COL12A1: variants seen among roughly 807,000 people sequenced by gnomAD.
COL12A1 encodes collagen alpha-1(XII) chain.
COL12A1 carries 114 observed loss-of-function variants against 349.7 expected under a neutral mutation model. The ratio of observed to expected loss-of-function variants is 0.33; its 90% CI spans 0.28 to 0.38. COL12A1 has a LOEUF of 0.38. Among genes scored for constraint, COL12A1 ranks in the 10% least tolerant of loss-of-function variants. COL12A1 has a pLI of 1.00. For missense variants in COL12A1, 3,284 were observed against 3,756.9 expected, an observed-to-expected ratio of 0.87 and a Z score of 3.29; for synonymous variants, 1,369 against 1,329.0, an observed-to-expected ratio of 1.03 and a Z score of -0.66.
intron 7 of COL12A1, 37 bp downstream of exon 7, chr6:75,189,180 G>C (rs753399079): frequency 6.3e-7 from 1 of 1,599,386 alleles, no homozygotes; most frequent in Non-Finnish European, 8.5e-7. Flanking sequence ...TACTGTAGGA[G>C]TTGTAAAATG....
At chr6:75,127,394 C>T (rs981055384) in intron 38 of COL12A1, among the ~76,000 whole-genome samples, 2 of 152,168 alleles carry the variant, frequency 1.3e-5, no homozygotes, top group Non-Finnish European at 1.5e-5. Context: ...TTTCAAATGT[C>T]ACCTCTTCAA....
rs753747530 is a variant in COL12A1 at position 75,191,745 on chromosome 6, G to A, written c.350C>T (p.Ser117Leu). 2.2e-5 allele frequency: 35 copies of A among 1,593,154 alleles called. No individual in the cohort carries two copies. Among genetic ancestry groups the A allele is most frequent in the Middle Eastern group, 1.7e-4 (1 of 6,028 alleles). Residue 117 changes from serine (S) to leucine (L), a missense_variant, in exon 5 of 66, where the codon TCG becomes TTG. Ser to Leu is a moderately radical substitution (Grantham distance 145, BLOSUM62 -2). Transcript: ENST00000322507. ...IGQLTIQTGSSTKPVEKKPGK... is the reference protein window; with the variant it reads ...IGQLTIQTGSLTKPVEKKPGK... ...AGGTTTCTTCTCCACTGGCTTTGTCGAACTACCTGTTTGAACTAAGTTAAA... is the reference window on the plus strand; with the variant it reads ...AGGTTTCTTCTCCACTGGCTTTGTCAAACTACCTGTTTGAACTAAGTTAAA...
chr6:75,093,117 C>T (rs1345322706), intron 60 of COL12A1, among the ~76,000 whole-genome samples: 1 of 152,164 alleles, frequency 6.6e-6, no homozygotes, highest in African/African-American at 2.4e-5. Flanking sequence ...CATTCTCTAA[C>T]CCCTTACTCT....
At position 75,152,378 on chromosome 6, in the gene COL12A1, G is replaced by A. The variant is rs748277540; in HGVS notation, c.3670C>T (p.Arg1224Cys). The A allele has an allele frequency of 1.8e-5, 29 of 1,613,436 alleles. No homozygotes were observed. The highest frequency in any genetic ancestry group is 1.6e-4 in the Middle Eastern group (1 of 6,078). Reference protein sequence around the residue: ...NFRTVRSFISRIVEVFDIGPK... With the variant: ...NFRTVRSFISCIVEVFDIGPK... ...CCAATGTCAAAGACTTCCACAATAC[G>A]AGAAATGAAACTCCTCACGGTTCTA... Residue 1224 changes from arginine to cysteine, a missense_variant, in exon 18 of 66, where the codon CGT becomes TGT. Around this residue, in one of 2 missense-constraint regions of COL12A1, gnomAD observed 2,601 missense variants for 2,824.8 expected, o/e 0.92. Transcript: ENST00000322507.
chr6:75,124,624 C>T (rs185297761), intron 40 of COL12A1, among the ~76,000 whole-genome samples: 10 of 152,168 alleles, frequency 6.6e-5, no homozygotes, highest in Non-Finnish European at 1.2e-4. Context: ...ATTTCAAAAA[C>T]ATCTCATGGA....
At chr6:75,175,796 AG>A (rs534526516) in intron 12 of COL12A1, among the ~76,000 whole-genome samples, 269 of 152,308 alleles carry the variant, frequency 1.8e-3, no homozygotes, top group African/African-American at 6.2e-3. Flanking sequence ...TGCTTTCCCT[AG>A]GGGGAAAAAA....
intron 42 of COL12A1, 59 bp from the exon 43 acceptor site, chr6:75,123,463 A>G: frequency 7.4e-7 from 1 of 1,357,236 alleles, no homozygotes; most frequent in Non-Finnish European, 1.0e-6. Flanking sequence ...ATATCCCAGA[A>G]AGTAAATTTT....
intron 25 of COL12A1, among the ~76,000 whole-genome samples, chr6:75,144,333 C>G (rs1041599826): frequency 7.2e-5 from 11 of 152,306 alleles, no homozygotes; most frequent in African/African-American, 2.6e-4. Flanking sequence ...CAGACAAGAT[C>G]TAACATATAA....
intron 4 of COL12A1, among the ~76,000 whole-genome samples, 178 bp downstream of exon 4, chr6:75,192,034 G>A (rs1488952256): frequency 2.6e-5 from 4 of 151,794 alleles, no homozygotes; most frequent in African/African-American, 9.7e-5. Context: ...TGTTTCCAGA[G>A]ACCAGAGTTA....
At chr6:75,189,865 A>C in intron 5 of COL12A1, 50 bp from the exon 6 acceptor site, 3 of 1,583,500 alleles carry the variant, frequency 1.9e-6, no homozygotes, top group Non-Finnish European at 2.6e-6. Flanking sequence ...AAATCAACTC[A>C]TCAATACATG....
intron 13 of COL12A1, among the ~76,000 whole-genome samples, chr6:75,166,803 T>C (rs1425812492): frequency 6.6e-6 from 1 of 152,170 alleles, no homozygotes; most frequent in Admixed American, 6.6e-5. Context: ...AACGCAGTCA[T>C]AATTTAACAA....
chr6:75,089,156 C>T lies in COL12A1; in HGVS notation c.8960G>A (p.Gly2987Asp). 1 of 1,610,166 alleles carries T rather than the reference C, an allele frequency of 6.2e-7. No individual in the cohort carries two copies. Among genetic ancestry groups the T allele is most frequent in the Non-Finnish European group, 8.5e-7 (1 of 1,178,884 alleles). The change falls in exon 64 of 66, where the codon GGT (glycine) becomes GAT (aspartate). Residue 2987 changes from glycine to aspartate, a missense_variant. Around this residue, in one of 2 missense-constraint regions of COL12A1, gnomAD observed 683 missense variants for 932.1 expected, o/e 0.73. Coordinates refer to ENST00000322507, the MANE Select transcript of COL12A1 (RefSeq NM_004370.6). ...TCCTGAAGATCCAGTACCCCTTTCACCTTTCTCTCCTGGCAAACCTAAGGA... is the reference window on the plus strand; with the variant it reads ...TCCTGAAGATCCAGTACCCCTTTCATCTTTCTCTCCTGGCAAACCTAAGGA... ...PGERGLPGEK[G>D]ERGTGSSGPR...
intron 9 of COL12A1, 28 bp from the exon 10 acceptor site, chr6:75,183,680 C>T (rs1275697571): frequency 6.4e-7 from 1 of 1,569,640 alleles, no homozygotes; most frequent in African/African-American, 1.4e-5. Flanking sequence ...GTACATTAAA[C>T]TTCAATACAT....
rs1767423073 is a variant in COL12A1, at chr6:75,085,207, G to A, written c.*1340C>T. 1 of 467,984 alleles carries A rather than the reference G, an allele frequency of 2.1e-6. No individual in the cohort carries two copies. The allele number at this position is 467,984 out of a possible 1,614,324, so 29.0% of individuals were successfully genotyped here. ...TCTCTGGTTCACTGCCCGGGTCCGTGGGGCAGGGCGCGCCGCCAGCGCCGG... is the reference window on the plus strand; with the variant it reads ...TCTCTGGTTCACTGCCCGGGTCCGTAGGGCAGGGCGCGCCGCCAGCGCCGG... On this transcript the variant is annotated 3_prime_UTR_variant, in exon 66 of 66. Transcript: ENST00000322507.
intron 21 of COL12A1, 142 bp from the exon 22 acceptor site, chr6:75,148,639 T>C (rs1183980701): frequency 2.9e-6 from 2 of 701,050 alleles, no homozygotes; most frequent in Non-Finnish European, 4.6e-6. Context: ...CTACAATAAA[T>C]CTGTATTAGA....
In COL12A1 at chr6:75,084,513, A is replaced by G. The variant is rs977983898; in HGVS notation, c.*2034T>C. 1.3e-5 allele frequency: 2 copies of G among 152,666 alleles called. No homozygotes were observed. Among genetic ancestry groups the G allele is most frequent in the Admixed American group, 6.5e-5 (1 of 15,286 alleles). The allele number at this position is 152,666 out of a possible 1,614,324, so 9.5% of individuals were successfully genotyped here. ...ATATTCTGAAAAAAGTTCATACTAA[A>G]TATACAACACAAACATGCAATTCCC... is the stretch of plus-strand genomic sequence containing the variant. On this transcript the variant is annotated 3_prime_UTR_variant, in exon 66 of 66. Coordinates refer to ENST00000322507, the MANE Select transcript of COL12A1 (RefSeq NM_004370.6).
Position 75,153,333 on chromosome 6 carries a change from C to T in COL12A1, c.3566-851G>A, listed in dbSNP as rs891938377. ...GGAAAGAGAAAATAATCCCAACATC[C>T]TCAGTGTACAAGCTACAAAATAAAA... On this transcript the variant is annotated intron_variant, in intron 17 of 65. Coordinates refer to ENST00000322507, the MANE Select transcript of COL12A1 (RefSeq NM_004370.6). 3.9e-5 allele frequency among the ~76,000 whole-genome samples: 6 copies of T among 152,028 alleles called. No homozygotes were observed. The East Asian group carries it at 5.8e-4, about 15-fold the overall frequency.
At chr6:75,172,841 G>A (rs187346577) in intron 13 of COL12A1, among the ~76,000 whole-genome samples, 1 of 152,210 alleles carries the variant, frequency 6.6e-6, no homozygotes, top group East Asian at 1.9e-4. Flanking sequence ...TCAACAAAAC[G>A]CAGACGAAAA....
chr6:75,087,551 G>A (rs1246611312), intron 65 of COL12A1, 26 bp downstream of exon 65: 2 of 1,611,302 alleles, frequency 1.2e-6, no homozygotes, highest in South Asian at 1.1e-5. Flanking sequence ...AGGTGAGTTG[G>A]GGTTCCTACA....
Sources: gnomAD v4.1 joint callset for allele counts (sites outside exome capture counted in the v4.1 genomes callset) on GRCh38, gnomAD v4.1.1 for gene constraint, gnomAD v4.1.1 regional missense constraint, MANE v1.5 for transcripts, NCBI Gene and HGNC (gene_info 2026-07-23, HGNC 2026-07-21) for gene names.